The following CFAP58 variants were observed in gnomAD, a reference collection of about 807,000 sequenced individuals.
CFAP58 encodes cilia and flagella associated protein 58.
A neutral mutation model predicts 119.5 loss-of-function variants in CFAP58; 88 were observed. The ratio of observed to expected loss-of-function variants is 0.74; its 90% confidence interval spans 0.62 to 0.88. The LOEUF is 0.88. Among genes scored for constraint, CFAP58 ranks in the 40% least tolerant of loss-of-function variants. The pLI, the probability that CFAP58 is intolerant of heterozygous loss-of-function variation, is 0.00. For missense variants in CFAP58, 990 were observed against 1,021.2 expected (o/e 0.97, Z 0.42); for synonymous variants, 365 against 366.3 (o/e 1.00, Z 0.04).
intron 9 of CFAP58, among the ~76,000 whole-genome samples, chr10:104,387,358 G>T (rs1234854817): frequency 6.6e-6 from 1 of 152,174 alleles, no homozygotes. Context: ...TCTTCTCATG[G>T]GGGAAGGAAG....
At chr10:104,362,364 TA>T (rs1422707824) in intron 3 of CFAP58, among the ~76,000 whole-genome samples, 193 bp downstream of exon 3, 2 of 152,256 alleles carry the variant, frequency 1.3e-5, no homozygotes, top group Non-Finnish European at 2.9e-5. Flanking sequence ...TAAGAACTTC[TA>T]ATTTGTGGTT....
rs1339807175 is a variant in CFAP58, at chr10:104,393,220, C to T, written c.1528-109C>T. On this transcript the variant is annotated intron_variant, in intron 10 of 17. Coordinates refer to ENST00000369704, the MANE Select transcript of CFAP58 (RefSeq NM_001008723.2). ...AGTCTAGTTGTAATTGATCAAGAGACCATTGTTTTGAGAGAGCGTCCCTTA... is the reference window on the plus strand; with the variant it reads ...AGTCTAGTTGTAATTGATCAAGAGATCATTGTTTTGAGAGAGCGTCCCTTA... The T allele has an allele frequency of 5.2e-6, 5 of 968,428 alleles. No individual in the cohort carries two copies. The African/African-American group carries it at 6.5e-5, about 13-fold the overall frequency. The allele number at this position is 968,428 out of a possible 1,614,324, so 60.0% of individuals were successfully genotyped here. A position where few individuals can be genotyped will look rare whatever the true frequency, so the allele number is the denominator to read the frequency against.
At chr10:104,396,197 T>C (rs191588650) in intron 11 of CFAP58, among the ~76,000 whole-genome samples, 4 of 152,340 alleles carry the variant, frequency 2.6e-5, no homozygotes, top group Middle Eastern at 3.4e-3. Context: ...CTATCTTGTC[T>C]CTTTCCAATC....
intron 15 of CFAP58, among the ~76,000 whole-genome samples, chr10:104,445,062 C>A (rs966117246): frequency 1.3e-5 from 2 of 152,098 alleles, no homozygotes; most frequent in African/African-American, 4.8e-5. Context: ...GTGGCTCAGG[C>A]CTGTAATCAC....
At chr10:104,442,960 T>C (rs1460285781) in intron 15 of CFAP58, among the ~76,000 whole-genome samples, 1 of 152,232 alleles carries the variant, frequency 6.6e-6, no homozygotes, top group Non-Finnish European at 1.5e-5. Context: ...TCTGTACCTG[T>C]ATTGATGTAT....
intron 15 of CFAP58, among the ~76,000 whole-genome samples, chr10:104,414,091 G>A (rs946454772): frequency 2.6e-5 from 4 of 152,162 alleles, no homozygotes; most frequent in African/African-American, 9.7e-5. Flanking sequence ...ATTGCAGCAC[G>A]TGGTGGGCTA....
intron 11 of CFAP58, among the ~76,000 whole-genome samples, chr10:104,397,955 TC>T (rs1314839805): frequency 2.0e-4 from 30 of 152,244 alleles, no homozygotes; most frequent in African/African-American, 6.0e-4. Context: ...CTCCAGCTAT[TC>T]CCTACCTAAC....
At chr10:104,371,112 C>T in intron 7 of CFAP58, 58 bp downstream of exon 7, 1 of 1,499,376 alleles carries the variant, frequency 6.7e-7, no homozygotes, top group Non-Finnish European at 9.0e-7. Context: ...CTGATGTTAT[C>T]TTGTAACCCA....
intron 15 of CFAP58, among the ~76,000 whole-genome samples, chr10:104,424,720 G>A (rs1432495687): frequency 2.0e-5 from 3 of 152,110 alleles, no homozygotes; most frequent in African/African-American, 7.2e-5. Context: ...CTGACAATAG[G>A]GAGTGCCTAA....
chr10:104,436,563 G>C (rs1365738870), intron 15 of CFAP58, among the ~76,000 whole-genome samples: 4 of 152,132 alleles, frequency 2.6e-5, no homozygotes, highest in Non-Finnish European at 5.9e-5. Flanking sequence ...GAACAGGAGA[G>C]AGTGGGAGGG....
chr10:104,415,707 A>G (rs1202992946), intron 15 of CFAP58, among the ~76,000 whole-genome samples: 1 of 152,174 alleles, frequency 6.6e-6, no homozygotes, highest in African/African-American at 2.4e-5. Flanking sequence ...GGGACTACCA[A>G]CCAGGTAGAT....
At chr10:104,360,687 T>C (rs898411217) in intron 2 of CFAP58, among the ~76,000 whole-genome samples, 1 of 152,276 alleles carries the variant, frequency 6.6e-6, no homozygotes, top group South Asian at 2.1e-4. Flanking sequence ...TATGTGTCCA[T>C]GTGTTCTCAT....
chr10:104,354,147 G>T (rs1235112902), intron 1 of CFAP58, among the ~76,000 whole-genome samples: 5 of 152,132 alleles, frequency 3.3e-5, no homozygotes. Flanking sequence ...TGCTAAGTGC[G>T]GTAGAAAATT....
intron 15 of CFAP58, among the ~76,000 whole-genome samples, chr10:104,407,568 G>C (rs1226983196): frequency 1.3e-5 from 2 of 152,070 alleles, no homozygotes; most frequent in African/African-American, 4.8e-5. Flanking sequence ...CTGTATTATG[G>C]GACAATAACA....
the CFAP58 span, among the ~76,000 whole-genome samples, chr10:104,340,807 C>G: frequency 6.6e-6 from 1 of 152,062 alleles, no homozygotes; most frequent in African/African-American, 2.4e-5. Flanking sequence ...CTATTCAGGC[C>G]TTGAGTTCTA....
chr10:104,364,979 A>C, intron 4 of CFAP58, 90 bp downstream of exon 4: 6 of 1,365,008 alleles, frequency 4.4e-6, no homozygotes, highest in East Asian at 5.0e-5. Flanking sequence ...CTCCTTTCTC[A>C]AATTTACCCC....
chr10:104,444,014 A>G (rs944968294), intron 15 of CFAP58, among the ~76,000 whole-genome samples: 3 of 152,270 alleles, frequency 2.0e-5, no homozygotes, highest in Admixed American at 6.5e-5. Flanking sequence ...GGAAGAGGCT[A>G]TCATTTCAAG....
At chr10:104,354,901 C>A (rs1475659040) in intron 1 of CFAP58, among the ~76,000 whole-genome samples, 1 of 152,132 alleles carries the variant, frequency 6.6e-6, no homozygotes, top group Non-Finnish European at 1.5e-5. Flanking sequence ...TGCTCCACCC[C>A]CTCCCCACCC....
At chr10:104,370,552 C>A (rs1432774645) in intron 6 of CFAP58, among the ~76,000 whole-genome samples, 2 of 152,162 alleles carry the variant, frequency 1.3e-5, no homozygotes, top group African/African-American at 4.8e-5. Context: ...CCCCGTGATT[C>A]AATTACCTCC....
Sources: allele counts gnomAD v4.1 joint callset (sites outside exome capture counted in the v4.1 genomes callset), GRCh38; gene constraint gnomAD v4.1.1; transcripts MANE v1.5; gene names NCBI Gene and HGNC (gene_info 2026-07-23, HGNC 2026-07-21).